ALK: variants seen among roughly 807,000 people sequenced by gnomAD.
The protein encoded by ALK is ALK receptor tyrosine kinase.
ALK carries 74 observed loss-of-function variants against 163.1 expected under a neutral mutation model. The ratio of observed to expected loss-of-function variants is 0.45; its 90% CI spans 0.38 to 0.55. The LOEUF (loss-of-function observed/expected upper bound fraction) is 0.55. Ranked by LOEUF, ALK falls within the 20% of genes least tolerant of loss-of-function variation. The pLI is 0.00. For synonymous variants in ALK, 960 were observed against 843.2 expected (o/e 1.14, Z -2.40); for missense variants, 2,063 against 2,105.3 (o/e 0.98, Z 0.39).
Position 29,858,563 on chromosome 2 carries a change from T to G in ALK, c.667+61430A>C, listed in dbSNP as rs147639371. 4.0e-3 allele frequency among the ~76,000 whole-genome samples: 600 copies of G among 148,946 alleles called. 7 individuals carry two copies. Among genetic ancestry groups the G allele is most frequent in the African/African-American group, 0.014 (570 of 40,318 alleles). On this transcript the variant is annotated intron_variant, in intron 1 of 28. Coordinates refer to ENST00000389048, the MANE Select transcript of ALK (RefSeq NM_004304.5). Reference sequence around the variant, plus strand: ...GACTGACCAACGTGGCGAAACTCCGTCTCTACTAAAAATACAAAAAAAAAA... The same window carrying G: ...GACTGACCAACGTGGCGAAACTCCGGCTCTACTAAAAATACAAAAAAAAAA...
chr2:29,631,653 A>C (rs1676379736), intron 3 of ALK, among the ~76,000 whole-genome samples: 1 of 152,258 alleles, frequency 6.6e-6, no homozygotes, highest in Non-Finnish European at 1.5e-5. Context: ...TGCAATTCAA[A>C]AGGCTGTTCA....
chr2:29,671,778 T>C lies in ALK; in HGVS notation c.952+23072A>G, dbSNP rs146075634. Among the ~76,000 whole-genome samples the C allele has an allele frequency of 1.8e-3, 273 of 152,196 alleles. 2 individuals carry two copies. Among genetic ancestry groups the C allele is most frequent in the African/African-American group, 6.4e-3 (265 of 41,552 alleles). On this transcript the variant is annotated intron_variant, in intron 3 of 28. Coordinates refer to ENST00000389048, the MANE Select transcript of ALK (RefSeq NM_004304.5). ...CAAGTGTTGCTAGTGAAAATCTCAG[T>C]GCTTTGGTTTTGATTTTCTACAGGG...
intron 4 of ALK, among the ~76,000 whole-genome samples, chr2:29,520,120 G>A (rs1280279196): frequency 6.6e-6 from 1 of 152,108 alleles, no homozygotes; most frequent in East Asian, 1.9e-4. Flanking sequence ...CACGGACAGG[G>A]CAATCACCAA....
chr2:29,694,305 GTA>G (rs1678489626), intron 3 of ALK, among the ~76,000 whole-genome samples: 1 of 152,196 alleles, frequency 6.6e-6, no homozygotes, highest in Non-Finnish European at 1.5e-5. Flanking sequence ...TGTCGCCTGA[GTA>G]TTTATGAACG....
intron 2 of ALK, among the ~76,000 whole-genome samples, chr2:29,704,096 T>G (rs940961252): frequency 6.6e-6 from 1 of 152,282 alleles, no homozygotes; most frequent in African/African-American, 2.4e-5. Context: ...CCTGGTTAAG[T>G]GTCTTCAATA....
At chr2:29,387,155 G>A (rs1200313991) in intron 4 of ALK, among the ~76,000 whole-genome samples, 12 of 152,110 alleles carry the variant, frequency 7.9e-5, no homozygotes, top group Admixed American at 5.2e-4. Context: ...AGGAAGTCAG[G>A]GGACTGTATG....
chr2:29,533,085 G>A (rs967521847), intron 3 of ALK, among the ~76,000 whole-genome samples: 1 of 152,234 alleles, frequency 6.6e-6, no homozygotes, highest in African/African-American at 2.4e-5. Flanking sequence ...GGAAGGTGTT[G>A]TTCCAGGAAT....
chr2:29,729,663 C>G (rs571616170), intron 1 of ALK, among the ~76,000 whole-genome samples: 3 of 152,332 alleles, frequency 2.0e-5, no homozygotes, highest in African/African-American at 4.8e-5. Context: ...GCTCCCACCC[C>G]CTCCAAATCG....
intron 3 of ALK, among the ~76,000 whole-genome samples, chr2:29,570,675 G>A (rs940201784): frequency 2.0e-5 from 3 of 152,122 alleles, no homozygotes; most frequent in Admixed American, 1.3e-4. Context: ...AGCCTCTGAC[G>A]GGCATAGCTT....
chr2:29,649,889 T>C (rs1255909154), intron 3 of ALK, among the ~76,000 whole-genome samples: 2 of 152,142 alleles, frequency 1.3e-5, no homozygotes, highest in Non-Finnish European at 2.9e-5. Flanking sequence ...TCAGATATGA[T>C]AACCCTAATA....
intron 15 of ALK, among the ~76,000 whole-genome samples, chr2:29,231,687 G>A (rs1664212210): frequency 6.6e-6 from 1 of 152,158 alleles, no homozygotes; most frequent in Non-Finnish European, 1.5e-5. Context: ...TCCTCCCACA[G>A]TCTGATTGTG....
At chr2:29,747,626 C>T (rs1680239475) in intron 1 of ALK, among the ~76,000 whole-genome samples, 1 of 152,186 alleles carries the variant, frequency 6.6e-6, no homozygotes, top group Non-Finnish European at 1.5e-5. Flanking sequence ...AGAGTGAATG[C>T]TCAATAAATA....
intron 5 of ALK, among the ~76,000 whole-genome samples, chr2:29,353,291 G>A (rs1668163281): frequency 6.6e-6 from 1 of 152,162 alleles, no homozygotes; most frequent in South Asian, 2.1e-4. Flanking sequence ...AGAGCTTCAG[G>A]TCTGGCTGTG....
intron 5 of ALK, among the ~76,000 whole-genome samples, chr2:29,342,886 T>TC (rs1235526669): frequency 7.0e-6 from 1 of 143,720 alleles, no homozygotes. Flanking sequence ...TCTTTTTTTT[T>TC]TTTTTTTTTT....
chr2:29,516,443 G>C (rs982752174), intron 4 of ALK, among the ~76,000 whole-genome samples: 1 of 152,216 alleles, frequency 6.6e-6, no homozygotes, highest in Admixed American at 6.5e-5. Context: ...CCACTGGGTA[G>C]GTGGTGGAGA....
intron 15 of ALK, among the ~76,000 whole-genome samples, chr2:29,230,742 C>T (rs1332037610): frequency 6.6e-6 from 1 of 152,114 alleles, no homozygotes; most frequent in Non-Finnish European, 1.5e-5. Context: ...GTTTCGCTGT[C>T]CTCCCTTCTG....
intron 26 of ALK, among the ~76,000 whole-genome samples, chr2:29,203,318 G>C (rs1220255028): frequency 6.6e-6 from 1 of 151,764 alleles, no homozygotes; most frequent in Non-Finnish European, 1.5e-5. Flanking sequence ...AAAATGTGGA[G>C]GTTTTTCATT....
At chr2:29,283,487 G>A (rs13027073) in intron 9 of ALK, among the ~76,000 whole-genome samples, 5,758 of 152,202 alleles carry the variant, frequency 0.038, 129 homozygotes, top group South Asian at 0.091. Context: ...ACATGGTACC[G>A]AGATGGCAGC....
Position 29,193,192 on chromosome 2 carries a change from C to T in ALK, c.*32G>A, listed in dbSNP as rs1159757884. ...CTCTCTCCTCCACGGTCTTAGGGAT[C>T]CCAAGGAAGAGAAGTGAGTGTGCGA... On this transcript the variant is annotated 3_prime_UTR_variant, in exon 29 of 29. Transcript: ENST00000389048. 1.2e-6 allele frequency: 2 copies of T among 1,604,884 alleles called. No individual in the cohort carries two copies. The highest frequency in any genetic ancestry group is 2.7e-5 in the African/African-American group (2 of 74,692).
Sources: gnomAD v4.1 joint callset for allele counts (sites outside exome capture counted in the v4.1 genomes callset) on GRCh38, gnomAD v4.1.1 for gene constraint, MANE v1.5 for transcripts, NCBI Gene and HGNC (gene_info 2026-07-23, HGNC 2026-07-21) for gene names.